Variants in TRPM6 observed in about 807,000 individuals in gnomAD.
TRPM6 encodes the protein transient receptor potential cation channel subfamily M member 6.
A neutral mutation model predicts 247.6 loss-of-function variants in TRPM6; 111 were observed. The observed-to-expected ratio is 0.45, with a 90% CI of 0.38 to 0.52. The LOEUF is 0.52. Among genes scored for constraint, TRPM6 ranks in the 20% least tolerant of loss-of-function variants. TRPM6 has a pLI of 0.00. For synonymous variants in TRPM6, 892 were observed against 853.8 expected (o/e 1.04, Z -0.78); for missense variants, 2,126 against 2,421.5 (o/e 0.88, Z 2.56).
intron 9 of TRPM6, 147 bp downstream of exon 9, chr9:74,820,157 C>G: frequency 6.0e-6 from 5 of 829,612 alleles, no homozygotes; most frequent in Non-Finnish European, 9.7e-6. Flanking sequence ...CTGATTTTCT[C>G]CCTCCCCCCT....
intron 1 of TRPM6, chr9:74,887,292 G>A: frequency 7.4e-7 from 1 of 1,359,986 alleles, no homozygotes; most frequent in Non-Finnish European, 9.4e-7. Context: ...GCACGGGGAC[G>A]CGCAGGGGCG....
intron 13 of TRPM6, among the ~76,000 whole-genome samples, chr9:74,808,814 A>G (rs17060535): frequency 0.21 from 32,714 of 152,206 alleles, 3,627 homozygotes; most frequent in South Asian, 0.25. Flanking sequence ...GTCAAATTCA[A>G]TACCAAAACA....
At chr9:74,843,997 T>C (rs575798602) in intron 3 of TRPM6, among the ~76,000 whole-genome samples, 1 of 152,292 alleles carries the variant, frequency 6.6e-6, no homozygotes, top group Non-Finnish European at 1.5e-5. Context: ...TAAAGGAATC[T>C]TTCTTTTTTA....
intron 1 of TRPM6, among the ~76,000 whole-genome samples, chr9:74,861,777 T>C (rs954206069): frequency 6.6e-6 from 1 of 152,138 alleles, no homozygotes; most frequent in Non-Finnish European, 1.5e-5. Flanking sequence ...TTAACTTTGA[T>C]GTATTTTTTT....
intron 38 of TRPM6, among the ~76,000 whole-genome samples, chr9:74,727,647 A>C (rs1332901967): frequency 2.6e-5 from 4 of 152,326 alleles, no homozygotes; most frequent in East Asian, 3.9e-4. Context: ...AAACAGAGCC[A>C]GGACTGCCCA....
At chr9:74,877,544 A>G (rs1329939083) in intron 1 of TRPM6, among the ~76,000 whole-genome samples, 1 of 152,002 alleles carries the variant, frequency 6.6e-6, no homozygotes, top group East Asian at 1.9e-4. Flanking sequence ...ACTGCATCCT[A>G]TCCTGGGACC....
intron 9 of TRPM6, among the ~76,000 whole-genome samples, chr9:74,819,516 T>A (rs1587541746): frequency 6.6e-6 from 1 of 152,186 alleles, no homozygotes; most frequent in African/African-American, 2.4e-5. Flanking sequence ...CTTTACCAAA[T>A]AAATTAATTA....
intron 7 of TRPM6, 112 bp from the exon 8 acceptor site, chr9:74,821,949 A>C: frequency 8.3e-7 from 1 of 1,205,454 alleles, no homozygotes; most frequent in Non-Finnish European, 1.2e-6. Context: ...TTCATTCCTC[A>C]CACTGGCCCC....
At chr9:74,859,986 C>T (rs1564054695) in intron 1 of TRPM6, among the ~76,000 whole-genome samples, 1 of 152,164 alleles carries the variant, frequency 6.6e-6, no homozygotes, top group East Asian at 1.9e-4. Flanking sequence ...ACCTCATTAT[C>T]ACACTATCCT....
At chr9:74,783,593 C>T (rs1389279110) in intron 21 of TRPM6, among the ~76,000 whole-genome samples, 1 of 152,182 alleles carries the variant, frequency 6.6e-6, no homozygotes, top group Non-Finnish European at 1.5e-5. Context: ...ATCCCAGATT[C>T]CTGAGTCACT....
chr9:74,880,937 G>A (rs577261224), intron 1 of TRPM6, among the ~76,000 whole-genome samples: 23 of 152,066 alleles, frequency 1.5e-4, no homozygotes, highest in African/African-American at 1.9e-4. Flanking sequence ...AATAATAACC[G>A]TGAAACTAAA....
intron 5 of TRPM6, among the ~76,000 whole-genome samples, chr9:74,838,800 T>A (rs1277047495): frequency 6.6e-6 from 1 of 151,196 alleles, no homozygotes; most frequent in East Asian, 1.9e-4. Flanking sequence ...GAGAGAAAAG[T>A]AAAGGGAAGA....
chr9:74,782,262 C>T (rs1397249069), intron 23 of TRPM6, 100 bp downstream of exon 23: 2 of 862,432 alleles, frequency 2.3e-6, no homozygotes, highest in Non-Finnish European at 3.7e-6. Context: ...ATAGAACACA[C>T]AAAAATCAAA....
intron 21 of TRPM6, among the ~76,000 whole-genome samples, chr9:74,783,816 CTTTG>C (rs1018950644): frequency 1.3e-5 from 2 of 152,138 alleles, no homozygotes; most frequent in Non-Finnish European, 2.9e-5. Context: ...TTTCTGTCCT[CTTTG>C]TTTGTTTGTC....
intron 1 of TRPM6, among the ~76,000 whole-genome samples, chr9:74,883,846 T>C (rs557440674): frequency 3.9e-4 from 60 of 152,186 alleles, no homozygotes; most frequent in African/African-American, 1.4e-3. Flanking sequence ...CTCAATAAAA[T>C]AAAATTAAAT....
chr9:74,771,329 G>A (rs1827028227), intron 25 of TRPM6, among the ~76,000 whole-genome samples: 1 of 152,094 alleles, frequency 6.6e-6, no homozygotes, highest in African/African-American at 2.4e-5. Flanking sequence ...CTCTTTTACT[G>A]CCTGATAATA....
At chr9:74,727,993 T>C (rs1825390137) in intron 38 of TRPM6, among the ~76,000 whole-genome samples, 1 of 152,104 alleles carries the variant, frequency 6.6e-6, no homozygotes, top group African/African-American at 2.4e-5. Context: ...AACTTTTCTT[T>C]TGGAGTGACT....
At position 74,724,410 on chromosome 9, in the gene TRPM6, C is replaced by T. The variant is rs534976084; in HGVS notation, c.*203G>A. The T allele has an allele frequency of 1.5e-5, 10 of 658,648 alleles. No homozygotes were observed. Among genetic ancestry groups the T allele is most frequent in the Non-Finnish European group, 2.6e-5 (10 of 385,804 alleles). The allele number at this position is 658,648 out of a possible 1,614,324, so 40.8% of individuals were successfully genotyped here. A position where few individuals can be genotyped will look rare whatever the true frequency, so the allele number is the denominator to read the frequency against. ...CGTGTGGAACTTGAGGATGGAGCTG[C>T]AAAGTGCCCTGGACAGAGGTCAGTG... On this transcript the variant is annotated 3_prime_UTR_variant, in exon 39 of 39. Transcript: ENST00000360774.
chr9:74,845,332 A>G (rs1025599974), intron 3 of TRPM6, among the ~76,000 whole-genome samples: 5 of 152,196 alleles, frequency 3.3e-5, no homozygotes, highest in African/African-American at 1.2e-4. Context: ...AATCTCTTGC[A>G]TACTCATGTT....
Sources: allele counts gnomAD v4.1 joint callset (sites outside exome capture counted in the v4.1 genomes callset), GRCh38; gene constraint gnomAD v4.1.1; transcripts MANE v1.5; gene names NCBI Gene and HGNC (gene_info 2026-07-23, HGNC 2026-07-21).